Variants in FSD1L observed in about 807,000 individuals in gnomAD.
The protein encoded by FSD1L is fibronectin type III and SPRY domain containing 1 like, also known as FSD1-like protein.
FSD1L carries 45 observed loss-of-function variants against 71.6 expected under a neutral mutation model. The observed-to-expected ratio is 0.63, with a 90% CI of 0.49 to 0.81. FSD1L has a LOEUF of 0.81. Among genes scored for constraint, FSD1L ranks in the 30% least tolerant of loss-of-function variants. The probability of loss-of-function intolerance (pLI) is 0.00; values close to 1 mark genes in which losing one functional copy is unlikely to be tolerated. For synonymous variants in FSD1L, 197 were observed against 207.2 expected (o/e 0.95, Z 0.42); for missense variants, 561 against 618.1 (o/e 0.91, Z 0.98).
chr9:105,503,074 G>A (rs1196368256), intron 7 of FSD1L, among the ~76,000 whole-genome samples: 1 of 151,808 alleles, frequency 6.6e-6, no homozygotes, highest in Non-Finnish European at 1.5e-5. Flanking sequence ...GTCAAAGTGA[G>A]ATGGGGTCTC....
chr9:105,539,313 A>C lies in FSD1L; in HGVS notation c.1429A>C (p.Lys477Gln). 1 of 1,507,852 alleles carries C rather than the reference A, an allele frequency of 6.6e-7. No individual in the cohort carries two copies. Among genetic ancestry groups the C allele is most frequent in the East Asian group, 2.5e-5 (1 of 40,400 alleles). 93.4% of individuals were successfully genotyped at this position (1,507,852 alleles called of 1,614,324 possible). A position where few individuals can be genotyped will look rare whatever the true frequency, so the allele number is the denominator to read the frequency against. ...ANSKQLLYSF[K>Q]TKFTQPVLPG... ...TTCTAAACAGTTGCTATATTCCTTT[A>C]AGACAAAATTTACTCAGCCAGTACT... is the stretch of plus-strand genomic sequence containing the variant. Residue 477 changes from lysine (K) to glutamine (Q), a missense_variant, in exon 13 of 14, where the codon AAG becomes CAG. Around this residue, in one of 3 missense-constraint regions of FSD1L, gnomAD observed 98 missense variants for 102.3 expected, o/e 0.96. Coordinates refer to ENST00000481272, the MANE Select transcript of FSD1L (RefSeq NM_001145313.3).
intron 7 of FSD1L, among the ~76,000 whole-genome samples, chr9:105,504,744 C>T (rs1256078156): frequency 1.3e-5 from 2 of 152,138 alleles, no homozygotes; most frequent in East Asian, 1.9e-4. Context: ...ACAATGTAAC[C>T]ACTATGTCAA....
chr9:105,444,433 G>A (rs1429408791), upstream of FSD1L, among the ~76,000 whole-genome samples: 1 of 152,158 alleles, frequency 6.6e-6, no homozygotes, highest in Admixed American at 6.5e-5. Flanking sequence ...CATGCTGATG[G>A]CCCTATACTG....
chr9:105,502,084 G>A (rs569429971), intron 7 of FSD1L, among the ~76,000 whole-genome samples: 14 of 152,054 alleles, frequency 9.2e-5, no homozygotes, highest in South Asian at 8.3e-4. Context: ...TTAGCTTAGA[G>A]TGCCTTTCTT....
At chr9:105,521,145 T>A (rs1835125480) in intron 10 of FSD1L, 4 of 1,613,742 alleles carry the variant, frequency 2.5e-6, no homozygotes, top group African/African-American at 1.3e-5. Context: ...AAAGGAGCCT[T>A]TCATTAAGGC....
chr9:105,452,869 G>C (rs958127675), intron 1 of FSD1L, among the ~76,000 whole-genome samples: 6 of 151,838 alleles, frequency 4.0e-5, no homozygotes, highest in African/African-American at 1.2e-4. Context: ...TGAGCAGCTG[G>C]GACTACAGGT....
At position 105,507,960 on chromosome 9, in the gene FSD1L, C is replaced by T. The variant is rs916062574; in HGVS notation, c.797-657C>T. Among the ~76,000 whole-genome samples, 15 of 146,244 alleles carry T rather than the reference C, an allele frequency of 1.0e-4. No homozygotes were observed. In the East Asian group the frequency reaches 1.8e-3, roughly 18 times the overall value. On this transcript the variant is annotated intron_variant, in intron 8 of 13. Coordinates refer to ENST00000481272, the MANE Select transcript of FSD1L (RefSeq NM_001145313.3). Reference sequence around the variant, plus strand: ...AGGCTGGAGTGCAATTGCACGATCTCGGCTCACGGCAACCTCTGCCTCCCA... The same window carrying T: ...AGGCTGGAGTGCAATTGCACGATCTTGGCTCACGGCAACCTCTGCCTCCCA...
chr9:105,537,272 C>T lies in FSD1L; in HGVS notation c.1378+1954C>T, dbSNP rs151302952. ...TAGTAATATTGTGCCCAAATAATTC[C>T]GTGAGCTGTCAGTTAATTTACTCAA... On this transcript the variant is annotated intron_variant, in intron 12 of 13. Transcript: ENST00000481272. Among the ~76,000 whole-genome samples the T allele has an allele frequency of 7.9e-3, 1,206 of 152,094 alleles. 10 individuals carry two copies. The highest frequency in any genetic ancestry group is 0.02 in the Middle Eastern group (6 of 294).
chr9:105,483,826 T>G (rs1424864673), intron 6 of FSD1L, among the ~76,000 whole-genome samples: 2 of 152,138 alleles, frequency 1.3e-5, no homozygotes, highest in African/African-American at 4.8e-5. Flanking sequence ...TCATTGATAG[T>G]GATTTCACTT....
At chr9:105,525,225 C>T in intron 10 of FSD1L, 3 of 1,604,816 alleles carry the variant, frequency 1.9e-6, no homozygotes, top group Non-Finnish European at 1.7e-6. Context: ...GATGGACTTT[C>T]CAGTTTAAAA....
intron 7 of FSD1L, among the ~76,000 whole-genome samples, chr9:105,497,575 T>C (rs1845989066): frequency 6.6e-6 from 1 of 152,216 alleles, no homozygotes. Context: ...TCTGTTTTCC[T>C]TGTGGGTTTT....
chr9:105,461,562 T>G lies in FSD1L; in HGVS notation c.58T>G (p.Cys20Gly), dbSNP rs1830700159. 1 of 1,551,794 alleles carries G rather than the reference T, an allele frequency of 6.4e-7. No individual in the cohort carries two copies. Among genetic ancestry groups the G allele is most frequent in the Non-Finnish European group, 8.7e-7 (1 of 1,146,874 alleles). The change falls in exon 2 of 14, where the codon TGT becomes GGT. Residue 20 changes from cysteine to glycine, a missense_variant. Physicochemically the swap from Cys to Gly is radical, Grantham distance 159. Coordinates refer to ENST00000481272, the MANE Select transcript of FSD1L (RefSeq NM_001145313.3). ...ENENVTVDKA[C>G]FLISNITIGP... ...TGAAAACGTTACAGTTGATAAAGCC[T>G]GTTTTCTGATCTCTAACATCACTAT...
chr9:105,479,612 A>G (rs1832037683), intron 6 of FSD1L, among the ~76,000 whole-genome samples: 2 of 152,262 alleles, frequency 1.3e-5, no homozygotes, highest in African/African-American at 2.4e-5. Context: ...TGGTGTAGAA[A>G]TATAGTTAGT....
intron 6 of FSD1L, among the ~76,000 whole-genome samples, chr9:105,479,753 T>A (rs1832047947): frequency 6.6e-6 from 1 of 152,212 alleles, no homozygotes; most frequent in African/African-American, 2.4e-5. Context: ...TTATTTTCTT[T>A]GAACTCACTC....
At chr9:105,460,455 G>A (rs1241573808) in intron 1 of FSD1L, among the ~76,000 whole-genome samples, 1 of 151,850 alleles carries the variant, frequency 6.6e-6, no homozygotes, top group African/African-American at 2.4e-5. Context: ...AGCCAGGCAC[G>A]GTAGCTTGCA....
intron 6 of FSD1L, among the ~76,000 whole-genome samples, 199 bp from the exon 7 acceptor site, chr9:105,484,182 A>C (rs901112753): frequency 6.6e-6 from 1 of 152,102 alleles, no homozygotes; most frequent in African/African-American, 2.4e-5. Context: ...AGTTGTCTTA[A>C]ATGTCTTTAA....
intron 4 of FSD1L, among the ~76,000 whole-genome samples, 180 bp from the exon 5 acceptor site, chr9:105,471,724 T>TTATATATATATATATATA (rs35702574): frequency 1.4e-5 from 2 of 143,330 alleles, no homozygotes; most frequent in East Asian, 2.1e-4. Context: ...ATAACACGTT[T>TTATATATATATATATATA]TATATATATA....
Position 105,547,114 on chromosome 9 carries a change from A to G in FSD1L, c.*631A>G, listed in dbSNP as rs1589124896. 1.3e-5 allele frequency: 2 copies of G among 152,048 alleles called. 1 individual carries two copies. Among genetic ancestry groups the G allele is most frequent in the Non-Finnish European group, 2.9e-5 (2 of 67,942 alleles). The allele number at this position is 152,048 out of a possible 1,614,324, so 9.4% of individuals were successfully genotyped here. A position where few individuals can be genotyped will look rare whatever the true frequency, so the allele number is the denominator to read the frequency against. On this transcript the variant is annotated 3_prime_UTR_variant, in exon 14 of 14. Coordinates refer to ENST00000481272, the MANE Select transcript of FSD1L (RefSeq NM_001145313.3). ...AAATTTCTAGACACAACAGCTTAAAATCACCCAAATTTCAGTTCTTTACCT... is the reference window on the plus strand; with the variant it reads ...AAATTTCTAGACACAACAGCTTAAAGTCACCCAAATTTCAGTTCTTTACCT...
At chr9:105,542,232 T>C (rs1198585416) in intron 13 of FSD1L, among the ~76,000 whole-genome samples, 1 of 152,188 alleles carries the variant, frequency 6.6e-6, no homozygotes, top group African/African-American at 2.4e-5. Context: ...ATCAGTGATA[T>C]GAGAGTTGGT....
Sources: gnomAD v4.1 joint callset for allele counts (sites outside exome capture counted in the v4.1 genomes callset) on GRCh38, gnomAD v4.1.1 for gene constraint, gnomAD v4.1.1 regional missense constraint, MANE v1.5 for transcripts, NCBI Gene and HGNC (gene_info 2026-07-23, HGNC 2026-07-21) for gene names.